The following DNM1 variants were observed in gnomAD, a reference collection of about 807,000 sequenced individuals.
DNM1 encodes the protein dynamin-1.
DNM1 carries 29 observed loss-of-function variants against 104.6 expected under a neutral mutation model. That is an observed-to-expected ratio of 0.28 (90% CI 0.21 to 0.38). DNM1 has a LOEUF of 0.38. DNM1 is among the 10% of genes least tolerant of loss of function. The probability of loss-of-function intolerance (pLI) is 1.00; values close to 1 mark genes in which losing one functional copy is unlikely to be tolerated. For missense variants in DNM1, 640 were observed against 1,189.4 expected (o/e 0.54, Z 6.79); for synonymous variants, 445 against 475.8 (o/e 0.94, Z 0.84).
At chr9:128,213,954 G>A (rs151294242) in intron 1 of DNM1, among the ~76,000 whole-genome samples, 1 of 152,222 alleles carries the variant, frequency 6.6e-6, no homozygotes, top group Non-Finnish European at 1.5e-5. Flanking sequence ...AACAGAGAGC[G>A]ACTTGTTGCC....
chr9:128,250,812 T>A lies in DNM1; in HGVS notation c.2406T>A (p.Pro802=). 1 of 1,331,814 alleles carries A rather than the reference T, an allele frequency of 7.5e-7. No individual in the cohort carries two copies. Among genetic ancestry groups the A allele is most frequent in the South Asian group, 2.1e-5 (1 of 46,526 alleles). The allele number at this position is 1,331,814 out of a possible 1,614,324, so 82.5% of individuals were successfully genotyped here. A position where few individuals can be genotyped will look rare whatever the true frequency, so the allele number is the denominator to read the frequency against. Residue 802 remains proline (P), a synonymous_variant, in exon 21 of 22, where the codon CCT becomes CCA. Transcript: ENST00000372923. ...RPGSRGPAPG[P]PPAGSALGGA... ...GGTCGCGGGGCCCTGCTCCTGGGCC[T>A]CCGCCTGCTGGGTCCGCCCTGGGGG... is the stretch of plus-strand genomic sequence containing the variant.
At position 128,248,020 on chromosome 9, in the gene DNM1, G is replaced by A. The variant is rs1446738109; in HGVS notation, c.1905+85G>A. On this transcript the variant is annotated intron_variant, in intron 18 of 21. Coordinates refer to ENST00000372923, the MANE Select transcript of DNM1 (RefSeq NM_004408.4). This position sits in a 1 kb window ranked among gnomAD's most constrained non-coding sequence, Gnocchi z 5.6. ...CAGGTTTTCAAGCAAGGGACCTGGAGATGTTCTTTTCTAATTTCTGGATTG... is the reference window on the plus strand; with the variant it reads ...CAGGTTTTCAAGCAAGGGACCTGGAAATGTTCTTTTCTAATTTCTGGATTG... 1 of 1,575,714 alleles carries A rather than the reference G, an allele frequency of 6.3e-7. No homozygotes were observed. The highest frequency in any genetic ancestry group is 2.2e-5 in the East Asian group (1 of 44,698).
At chr9:128,244,142 AG>A (rs33959475) in intron 15 of DNM1, among the ~76,000 whole-genome samples, 1 of 146,932 alleles carries the variant, frequency 6.8e-6, no homozygotes, top group African/African-American at 2.6e-5. Context: ...GTGTGTGGGG[AG>A]GGGGCTCTAG....
At chr9:128,233,951 C>T (rs1168766509) in intron 10 of DNM1, 70 bp from the exon 11 acceptor site, 44 of 1,389,738 alleles carry the variant, frequency 3.2e-5, no homozygotes, top group Non-Finnish European at 4.0e-5. Flanking sequence ...TCCCTGGACT[C>T]GTGGGGTGTG....
chr9:128,247,294 C>G lies in DNM1; in HGVS notation c.1782-81C>G. On this transcript the variant is annotated intron_variant, in intron 16 of 21. Coordinates refer to ENST00000372923, the MANE Select transcript of DNM1 (RefSeq NM_004408.4). The surrounding 1 kb of genome is among the most constrained non-coding windows in gnomAD (Gnocchi z 5.1). ...ATGAGCTGGCCTCAGGCATGTTGAC[C>G]CCAAAGTCTGGGCATGCCCTTAACC... 1 of 946,866 alleles carries G rather than the reference C, an allele frequency of 1.1e-6. No homozygotes were observed. Among genetic ancestry groups the G allele is most frequent in the Non-Finnish European group, 1.6e-6 (1 of 615,158 alleles). 58.7% of individuals were successfully genotyped at this position (946,866 alleles called of 1,614,324 possible).
At chr9:128,239,850 C>T in intron 13 of DNM1, 71 bp downstream of exon 13, 2 of 1,567,046 alleles carry the variant, frequency 1.3e-6, no homozygotes, top group Non-Finnish European at 1.8e-6. Flanking sequence ...TGAGAGCCCC[C>T]TCCCCTGAGG....
At chr9:128,227,437 A>G (rs929746108) in intron 10 of DNM1, among the ~76,000 whole-genome samples, 3 of 118,824 alleles carry the variant, frequency 2.5e-5, no homozygotes, top group Non-Finnish European at 4.7e-5. Flanking sequence ...GCTGGAGTGC[A>G]GTGGCACGAT....
At chr9:128,249,682 G>A (rs905716185) in intron 19 of DNM1, among the ~76,000 whole-genome samples, 2 of 151,940 alleles carry the variant, frequency 1.3e-5, no homozygotes, top group African/African-American at 2.4e-5. Flanking sequence ...AATAGCTGGG[G>A]TTGGTGGTAG....
At chr9:128,216,277 G>A (rs1383756121) in intron 1 of DNM1, among the ~76,000 whole-genome samples, 1 of 152,184 alleles carries the variant, frequency 6.6e-6, no homozygotes, top group Non-Finnish European at 1.5e-5. Flanking sequence ...ATTGAATGAG[G>A]AAGTTTCCAG....
Position 128,254,831 on chromosome 9 carries a change from C to CT in DNM1, c.*118dup. The CT allele has an allele frequency of 1.2e-6, 1 of 840,364 alleles. No homozygotes were observed. The highest frequency in any genetic ancestry group is 1.9e-6 in the Non-Finnish European group (1 of 513,462). 52.1% of individuals were successfully genotyped at this position (840,364 alleles called of 1,614,324 possible). ...CAGCCCCCTTCATCTGTGACTTAAT[C>CT]TGTTGTAGTGGTGAGCTGATACATT... On this transcript the variant is annotated 3_prime_UTR_variant, in exon 22 of 22. Transcript: ENST00000372923. The surrounding 1 kb of genome is among the most constrained non-coding windows in gnomAD (Gnocchi z 6.1).
rs1201505310 is a variant in DNM1, at chr9:128,247,173, T to G, written c.1782-202T>G. The G allele has an allele frequency of 1.6e-5, 8 of 489,500 alleles. No individual in the cohort carries two copies. Among genetic ancestry groups the G allele is most frequent in the Admixed American group, 6.5e-5 (2 of 30,826 alleles). The allele number at this position is 489,500 out of a possible 1,614,324, so 30.3% of individuals were successfully genotyped here. ...ACCACTCACTTCACTGAATCCTCAG[T>G]GACCCAAGGAGGCAGGAATTATTAT... On this transcript the variant is annotated intron_variant, in intron 16 of 21. Transcript: ENST00000372923. This position sits in a 1 kb window ranked among gnomAD's most constrained non-coding sequence, Gnocchi z 5.1.
At position 128,224,103 on chromosome 9, in the gene DNM1, T is replaced by C. The variant is rs568800522; in HGVS notation, c.1197-148T>C. 2 of 1,008,084 alleles carry C rather than the reference T, an allele frequency of 2.0e-6. No individual in the cohort carries two copies. Among genetic ancestry groups the C allele is most frequent in the East Asian group, 2.7e-5 (1 of 36,950 alleles). The allele number at this position is 1,008,084 out of a possible 1,614,324, so 62.4% of individuals were successfully genotyped here. ...CTTCATTAGAACCCCTCCCTCCCATTTTACAACTGGGGACACTGAGGCCCA... is the reference window on the plus strand; with the variant it reads ...CTTCATTAGAACCCCTCCCTCCCATCTTACAACTGGGGACACTGAGGCCCA... On this transcript the variant is annotated intron_variant, in intron 9 of 21. Transcript: ENST00000372923. This position sits in a 1 kb window ranked among gnomAD's most constrained non-coding sequence, Gnocchi z 4.3.
intron 12 of DNM1, 63 bp from the exon 13 acceptor site, chr9:128,239,665 G>A: frequency 1.3e-6 from 2 of 1,497,632 alleles, no homozygotes; most frequent in Non-Finnish European, 1.8e-6. Flanking sequence ...TGCCCACTAA[G>A]CAGTGGGCAG....
Position 128,250,746 on chromosome 9 carries a change from G to A in DNM1, c.2340G>A (p.Thr780=), listed in dbSNP as rs1430141044. The change falls in exon 21 of 22, where the codon ACG becomes ACA. Residue 780 remains threonine, a synonymous_variant. Transcript: ENST00000372923. ...TCAGGTCGCCCACGTCCAGCCCCAC[G>A]CCGCAGCGCCGAGCCCCCGCCGTGC... The part of the protein sequence containing the change: ...AGRRSPTSSP[T]PQRRAPAVPP... 6.9e-7 allele frequency: 1 copy of A among 1,439,522 alleles called. No individual in the cohort carries two copies. The highest frequency in any genetic ancestry group is 9.1e-7 in the Non-Finnish European group (1 of 1,101,104). 89.2% of individuals were successfully genotyped at this position (1,439,522 alleles called of 1,614,324 possible). A position where few individuals can be genotyped will look rare whatever the true frequency, so the allele number is the denominator to read the frequency against.
intron 1 of DNM1, chr9:128,204,263 G>C (rs1307238670): frequency 6.6e-6 from 1 of 152,444 alleles, no homozygotes; most frequent in East Asian, 1.9e-4. Flanking sequence ...AAGGGAAGAG[G>C]GGAGGAGAAA....
chr9:128,252,017 A>C (rs560184757), intron 21 of DNM1: 1 of 177,540 alleles, frequency 5.6e-6, no homozygotes, highest in African/African-American at 2.4e-5. Context: ...GCAGCATGGT[A>C]TTGGGCAAGA....
chr9:128,242,179 C>T (rs746715213), intron 14 of DNM1, 53 bp from the exon 15 acceptor site: 3 of 1,030,354 alleles, frequency 2.9e-6, no homozygotes, highest in Middle Eastern at 2.0e-4. Flanking sequence ...ACCCCATCCC[C>T]CATGGGGAGG....
At chr9:128,242,459 C>T (rs1050755315) in intron 15 of DNM1, 114 bp downstream of exon 15, 11 of 619,878 alleles carry the variant, frequency 1.8e-5, no homozygotes, top group Middle Eastern at 2.5e-4. Flanking sequence ...TAAAATGTCT[C>T]GTCAAAGATC....
Position 128,242,221 on chromosome 9 carries a change from T to A in DNM1, c.1558-11T>A. On this transcript the variant is annotated splice_polypyrimidine_tract_variant and intron_variant, in intron 14 of 21. Transcript: ENST00000372923. ...CCCTGTCCACTGACCTCCTGCCCCA[T>A]CACCCTCCAGGTCATCCGCAAGGGC... 1 of 1,538,662 alleles carries A rather than the reference T, an allele frequency of 6.5e-7. No individual in the cohort carries two copies. Among genetic ancestry groups the A allele is most frequent in the South Asian group, 1.1e-5 (1 of 89,434 alleles).
Sources: gnomAD v4.1 joint callset for allele counts (sites outside exome capture counted in the v4.1 genomes callset) on GRCh38, gnomAD v4.1.1 for gene constraint, Gnocchi (gnomAD v3.1) non-coding constraint, MANE v1.5 for transcripts, NCBI Gene and HGNC (gene_info 2026-07-23, HGNC 2026-07-21) for gene names.